The following CD160 variants were observed in gnomAD, a reference collection of about 807,000 sequenced individuals.
The protein encoded by CD160 is CD160 antigen.
A neutral mutation model predicts 19.2 loss-of-function variants in CD160; 11 were observed. The observed-to-expected ratio is 0.57, with a 90% CI of 0.36 to 0.95. CD160 has a LOEUF of 0.95. Among genes scored for constraint, CD160 ranks in the 40% least tolerant of loss-of-function variants. The pLI, the probability that CD160 is intolerant of heterozygous loss-of-function variation, is 0.01. For missense variants in CD160, 182 were observed against 213.2 expected (o/e 0.85, Z 0.91); for synonymous variants, 75 against 81.1 (o/e 0.93, Z 0.40).
At chr1:145,723,991 G>A (rs1184181213) in intron 1 of CD160, among the ~76,000 whole-genome samples, 2 of 152,022 alleles carry the variant, frequency 1.3e-5, no homozygotes, top group Non-Finnish European at 2.9e-5. Context: ...AAAGGGACAG[G>A]GTATGTGCAT....
intron 2 of CD160, among the ~76,000 whole-genome samples, chr1:145,726,204 A>G (rs1553708368): frequency 6.6e-6 from 1 of 152,168 alleles, no homozygotes; most frequent in Non-Finnish European, 1.5e-5. Flanking sequence ...AGAACTAGAA[A>G]TACCATTTGA....
chr1:145,723,486 TTGTTTTA>T (rs1656930934), intron 1 of CD160, among the ~76,000 whole-genome samples: 1 of 152,224 alleles, frequency 6.6e-6, no homozygotes, highest in Admixed American at 6.5e-5. Context: ...ATTTAGTTTA[TTGTTTTA>T]TACAAACTAT....
In CD160 at chr1:145,739,270, A is replaced by G. The variant is rs1200490969; in HGVS notation, c.*777A>G. ...CAGGATATTCCTGATAGGAGGAACT[A>G]CATGAATAAAGGGGTAAGAGCACAG... is the stretch of plus-strand genomic sequence containing the variant. On this transcript the variant is annotated 3_prime_UTR_variant, in exon 6 of 6. Coordinates refer to ENST00000369288, the MANE Select transcript of CD160 (RefSeq NM_007053.4). 3 of 152,294 alleles carry G rather than the reference A, an allele frequency of 2.0e-5. No individual in the cohort carries two copies. The highest frequency in any genetic ancestry group is 7.2e-5 in the African/African-American group (3 of 41,472). 9.4% of individuals were successfully genotyped at this position (152,294 alleles called of 1,614,324 possible).
chr1:145,724,094 C>G (rs1269759501), intron 1 of CD160, among the ~76,000 whole-genome samples: 2 of 152,116 alleles, frequency 1.3e-5, no homozygotes, highest in African/African-American at 4.8e-5. Context: ...TTTCTTCTTA[C>G]CCTTACCAAA....
Position 145,736,121 on chromosome 1 carries a change from TG to T in CD160, c.526del (p.Val176TrpfsTer15), listed in dbSNP as rs1171414781. ...TCTGGGTAATGCTGGTCACCAGCCT[TG>T]TGGCCCTTCAAGGTATGTCCAAAAG... is the stretch of plus-strand genomic sequence containing the variant. ...KVWVMLVTSLVALQAL is the reference protein window; with the variant it reads ...KVWVMLVTSLXALQAL On this transcript the variant is annotated frameshift_variant, in exon 5 of 6. Coordinates refer to ENST00000369288, the MANE Select transcript of CD160 (RefSeq NM_007053.4). LOFTEE classifies it high-confidence loss of function. 1 of 1,614,056 alleles carries T rather than the reference TG, an allele frequency of 6.2e-7. No individual in the cohort carries two copies. Among genetic ancestry groups the T allele is most frequent in the Non-Finnish European group, 8.5e-7 (1 of 1,180,038 alleles).
chr1:145,728,382 G>T lies in CD160; in HGVS notation c.55G>T (p.Val19Leu), dbSNP rs782061205. Residue 19 changes from valine to leucine, a missense_variant, in exon 3 of 6, where the codon GTG becomes TTG. Physicochemically the swap from Val to Leu is conservative, Grantham distance 32. Coordinates refer to ENST00000369288, the MANE Select transcript of CD160 (RefSeq NM_007053.4). ...CCALAILLAIVDIQSGGCINI... is the reference protein window; with the variant it reads ...CCALAILLAILDIQSGGCINI... Reference sequence around the variant, plus strand: ...TGCCCTGGCCATCCTGCTGGCAATTGTGGACATCCAGTCTGGTGGTGAGGA... The same window carrying T: ...TGCCCTGGCCATCCTGCTGGCAATTTTGGACATCCAGTCTGGTGGTGAGGA... 6.2e-7 allele frequency: 1 copy of T among 1,612,668 alleles called. No individual in the cohort carries two copies. Among genetic ancestry groups the T allele is most frequent in the South Asian group, 1.1e-5 (1 of 91,054 alleles).
chr1:145,724,221 T>C (rs1656966812), intron 1 of CD160, among the ~76,000 whole-genome samples: 1 of 152,242 alleles, frequency 6.6e-6, no homozygotes, highest in Non-Finnish European at 1.5e-5. Context: ...AACTTTTTAT[T>C]GCATTTCGTC....
intron 1 of CD160, among the ~76,000 whole-genome samples, chr1:145,724,363 A>G (rs1226297094): frequency 6.6e-6 from 1 of 152,214 alleles, no homozygotes; most frequent in Non-Finnish European, 1.5e-5. Flanking sequence ...TCCAATATTT[A>G]TACCCTTTGC....
intron 5 of CD160, chr1:145,737,551 C>A (rs1553710379): frequency 1.3e-5 from 2 of 152,134 alleles, no homozygotes; most frequent in East Asian, 3.8e-4. Flanking sequence ...TAAGCCTATG[C>A]CAGTTTTCAG....
chr1:145,719,752 T>C (rs587741292), intron 1 of CD160, among the ~76,000 whole-genome samples, 193 bp downstream of exon 1: 14 of 152,334 alleles, frequency 9.2e-5, no homozygotes, highest in Non-Finnish European at 1.3e-4. Context: ...TTTTCTTCCA[T>C]GGGCATTCAG....
chr1:145,732,581 G>C (rs1657339173), intron 4 of CD160, among the ~76,000 whole-genome samples: 2 of 151,342 alleles, frequency 1.3e-5, no homozygotes, highest in Admixed American at 6.6e-5. Context: ...GCAAGAGAAA[G>C]ACGACTCTGG....
chr1:145,738,673 T>C lies in CD160; in HGVS notation c.*180T>C. ...GGGGCAAATCAGTGTAATCCTTGAC[T>C]TTGCTCCTCACCATCAGGGCAAACT... On this transcript the variant is annotated 3_prime_UTR_variant, in exon 6 of 6. Coordinates refer to ENST00000369288, the MANE Select transcript of CD160 (RefSeq NM_007053.4). 2.4e-6 allele frequency: 1 copy of C among 417,166 alleles called. No homozygotes were observed. Among genetic ancestry groups the C allele is most frequent in the Non-Finnish European group, 4.2e-6 (1 of 237,896 alleles). 25.8% of individuals were successfully genotyped at this position (417,166 alleles called of 1,614,324 possible).
chr1:145,730,900 T>A lies in CD160; in HGVS notation c.230T>A (p.Leu77Gln). 6.2e-7 allele frequency: 1 copy of A among 1,614,112 alleles called. No homozygotes were observed. Among genetic ancestry groups the A allele is most frequent in the Non-Finnish European group, 8.5e-7 (1 of 1,179,952 alleles). The stretch of plus-strand genomic sequence containing the variant: ...TCTCCTGAGACCAGTTTAAAACAGC[T>A]GAGACTTAAAAGGGATCCTGGGATA... ...DCSPETSLKQ[L>Q]RLKRDPGIDG... is the part of the protein sequence containing the mutation. Residue 77 changes from leucine to glutamine, a missense_variant, in exon 4 of 6, where the codon CTG (leucine) becomes CAG (glutamine). Coordinates refer to ENST00000369288, the MANE Select transcript of CD160 (RefSeq NM_007053.4).
chr1:145,723,484 T>A lies in CD160; in HGVS notation c.-178-1317T>A, dbSNP rs149738377. Among the ~76,000 whole-genome samples the A allele has an allele frequency of 3.9e-5, 6 of 152,352 alleles. No homozygotes were observed. The East Asian group carries it at 1.2e-3, about 29-fold the overall frequency. ...TGTATGTATATACACTAATTTAGTT[T>A]ATTGTTTTATACAAACTATAATTAC... On this transcript the variant is annotated intron_variant, in intron 1 of 5. Transcript: ENST00000369288.
intron 3 of CD160, among the ~76,000 whole-genome samples, chr1:145,730,447 C>A (rs902758805): frequency 6.6e-6 from 1 of 152,176 alleles, no homozygotes; most frequent in Non-Finnish European, 1.5e-5. Context: ...AATACCTAAA[C>A]GTATTTGTTA....
intron 4 of CD160, among the ~76,000 whole-genome samples, chr1:145,731,284 G>C (rs1464739985): frequency 6.6e-6 from 1 of 152,156 alleles, no homozygotes; most frequent in Non-Finnish European, 1.5e-5. Context: ...ACTTGGGGTG[G>C]CCATTGCATT....
intron 5 of CD160, chr1:145,737,330 A>C (rs2101416061): frequency 6.6e-6 from 1 of 152,034 alleles, no homozygotes; most frequent in African/African-American, 2.4e-5. Context: ...CTAAAACCTT[A>C]CACTCAGTAA....
At chr1:145,728,501 CTT>C (rs59357123) in intron 3 of CD160, 101 bp downstream of exon 3, 102,597 of 291,782 alleles carry the variant, frequency 0.35, 9,949 homozygotes, top group African/African-American at 0.56. Context: ...ACAAAGGACT[CTT>C]TTTTTTTTTT....
At chr1:145,737,423 G>C (rs587762180) in intron 5 of CD160, 1 of 152,078 alleles carries the variant, frequency 6.6e-6, no homozygotes, top group Admixed American at 6.6e-5. Context: ...TCCAGAAACA[G>C]GACCACCTAA....
Sources: gnomAD v4.1 joint callset for allele counts (sites outside exome capture counted in the v4.1 genomes callset) on GRCh38, gnomAD v4.1.1 for gene constraint, MANE v1.5 for transcripts, NCBI Gene and HGNC (gene_info 2026-07-23, HGNC 2026-07-21) for gene names.